PCCA: variants seen among roughly 807,000 people sequenced by gnomAD.
The protein encoded by PCCA is propionyl-CoA carboxylase alpha chain, mitochondrial.
Under a neutral mutation model 101.3 loss-of-function variants are expected in PCCA, and 74 were observed. The observed-to-expected ratio is 0.73, with a 90% CI of 0.61 to 0.89. PCCA has a LOEUF of 0.89. Among genes scored for constraint, PCCA ranks in the 40% least tolerant of loss-of-function variants. The pLI, the probability that PCCA is intolerant of heterozygous loss-of-function variation, is 0.00. For missense variants in PCCA, 891 were observed against 907.0 expected (o/e 0.98, Z 0.23); for synonymous variants, 294 against 313.6 (o/e 0.94, Z 0.66).
chr13:100,399,571 G>A (rs986391702), intron 19 of PCCA, among the ~76,000 whole-genome samples: 3 of 152,152 alleles, frequency 2.0e-5, no homozygotes, highest in Non-Finnish European at 4.4e-5. Context: ...TAACTGGTAG[G>A]CAGGTGCAGA....
At chr13:100,186,321 T>A (rs1230651581) in intron 6 of PCCA, among the ~76,000 whole-genome samples, 4 of 152,234 alleles carry the variant, frequency 2.6e-5, no homozygotes, top group Non-Finnish European at 4.4e-5. Context: ...TACACACTTG[T>A]CTGTGTTGTC....
At chr13:100,294,540 C>G (rs553779418) in intron 12 of PCCA, among the ~76,000 whole-genome samples, 1 of 152,126 alleles carries the variant, frequency 6.6e-6, no homozygotes, top group African/African-American at 2.4e-5. Context: ...TCCCATCCCC[C>G]CAAAATGAAG....
rs139043627 is a variant in PCCA at position 100,275,188 on chromosome 13, A to T, written c.1065+1842A>T. ...GCATGCCTGCTTCATCCTGAGCTTG[A>T]GGGCTTGCCTCTGACCCTGTGCTTC... On this transcript the variant is annotated intron_variant, in intron 12 of 23. Coordinates refer to ENST00000376285, the MANE Select transcript of PCCA (RefSeq NM_000282.4). 9.9e-5 allele frequency among the ~76,000 whole-genome samples: 15 copies of T among 152,160 alleles called. No homozygotes were observed. In the East Asian group the frequency reaches 2.9e-3, roughly 30 times the overall value.
chr13:100,354,404 G>A (rs2073733165), intron 18 of PCCA, among the ~76,000 whole-genome samples: 1 of 147,882 alleles, frequency 6.8e-6, no homozygotes, highest in Non-Finnish European at 1.5e-5. Flanking sequence ...AGGGAGGGAG[G>A]GAGGGAGAGA....
intron 18 of PCCA, among the ~76,000 whole-genome samples, chr13:100,347,821 G>A (rs1167298354): frequency 6.6e-6 from 1 of 151,760 alleles, no homozygotes; most frequent in African/African-American, 2.4e-5. Context: ...GTTCATTTTT[G>A]GTGAGTTTAT....
chr13:100,262,626 G>T, intron 9 of PCCA, 103 bp from the exon 10 acceptor site: 1 of 721,914 alleles, frequency 1.4e-6, no homozygotes, highest in Non-Finnish European at 2.5e-6. Flanking sequence ...CTTTTATAAT[G>T]ATAGCTCTAT....
intron 6 of PCCA, among the ~76,000 whole-genome samples, chr13:100,185,020 G>A (rs1185981610): frequency 2.6e-5 from 4 of 152,152 alleles, no homozygotes; most frequent in Non-Finnish European, 5.9e-5. Flanking sequence ...TGCACATAAT[G>A]TAAATGTACA....
intron 18 of PCCA, among the ~76,000 whole-genome samples, chr13:100,354,071 T>C (rs1220673675): frequency 8.6e-6 from 1 of 115,998 alleles, no homozygotes; most frequent in Non-Finnish European, 1.7e-5. Flanking sequence ...ACCCCATCTC[T>C]ACAAATAATA....
chr13:100,146,134 T>C, intron 4 of PCCA, among the ~76,000 whole-genome samples: 1 of 149,964 alleles, frequency 6.7e-6, no homozygotes, highest in East Asian at 2.1e-4. Flanking sequence ...AGAGATGGGG[T>C]TTTGCCATGC....
intron 1 of PCCA, among the ~76,000 whole-genome samples, chr13:100,094,706 G>A (rs1455838856): frequency 1.3e-5 from 2 of 152,170 alleles, no homozygotes; most frequent in South Asian, 2.1e-4. Context: ...TCCTGCCTCA[G>A]CCTCCTGAGT....
At chr13:100,373,278 G>GA (rs1453939899) in intron 19 of PCCA, among the ~76,000 whole-genome samples, 1 of 152,128 alleles carries the variant, frequency 6.6e-6, no homozygotes, top group African/African-American at 2.4e-5. Context: ...CAAATAAACA[G>GA]AAAATAAGTA....
chr13:100,348,768 CT>C (rs1566976127), intron 18 of PCCA, among the ~76,000 whole-genome samples: 652 of 94,426 alleles, frequency 6.9e-3, no homozygotes, highest in Middle Eastern at 0.028. Flanking sequence ...TTCTTTCTTT[CT>C]TTCTTTCTTT....
intron 8 of PCCA, among the ~76,000 whole-genome samples, chr13:100,241,457 C>CA (rs1400303102): frequency 6.6e-6 from 1 of 151,990 alleles, no homozygotes; most frequent in Non-Finnish European, 1.5e-5. Context: ...ATTGTATGTA[C>CA]ATGCCACATT....
intron 19 of PCCA, among the ~76,000 whole-genome samples, chr13:100,383,648 C>T (rs1361248970): frequency 6.6e-6 from 1 of 151,848 alleles, no homozygotes; most frequent in Non-Finnish European, 1.5e-5. Context: ...GATAGGTAAG[C>T]TTTTGTGTAC....
At chr13:100,507,372 T>C (rs749471193) in intron 21 of PCCA, among the ~76,000 whole-genome samples, 1 of 152,186 alleles carries the variant, frequency 6.6e-6, no homozygotes, top group African/African-American at 2.4e-5. Context: ...CATGGCACTA[T>C]GGCGCCACAC....
chr13:100,475,035 A>T (rs2083311287), intron 21 of PCCA, among the ~76,000 whole-genome samples: 1 of 149,230 alleles, frequency 6.7e-6, no homozygotes, highest in Non-Finnish European at 1.5e-5. Flanking sequence ...AACACTTGTT[A>T]TTATTAGCAT....
chr13:100,221,744 A>G (rs958896712), intron 7 of PCCA, among the ~76,000 whole-genome samples: 5 of 122,972 alleles, frequency 4.1e-5, no homozygotes, highest in African/African-American at 1.8e-4. Context: ...TTTCCCTGGG[A>G]AATTTTTTTT....
chr13:100,297,668 A>G (rs1214529026), intron 12 of PCCA, among the ~76,000 whole-genome samples: 1 of 152,232 alleles, frequency 6.6e-6, no homozygotes, highest in Non-Finnish European at 1.5e-5. Flanking sequence ...AAGTAGATCT[A>G]TAAAAAGCTA....
intron 12 of PCCA, among the ~76,000 whole-genome samples, chr13:100,274,734 T>C (rs2063525472): frequency 6.6e-6 from 1 of 152,120 alleles, no homozygotes; most frequent in Admixed American, 6.6e-5. Context: ...TCACATTGGA[T>C]TCAGGACCCT....
Sources: allele counts gnomAD v4.1 joint callset (sites outside exome capture counted in the v4.1 genomes callset), GRCh38; gene constraint gnomAD v4.1.1; transcripts MANE v1.5; gene names NCBI Gene and HGNC (gene_info 2026-07-23, HGNC 2026-07-21).